The following CR1L variants were observed in gnomAD, a reference collection of about 807,000 sequenced individuals.
CR1L encodes the protein complement C3b/C4b receptor 1 like.
Under a neutral mutation model 62.3 loss-of-function variants are expected in CR1L, and 59 were observed. That is an observed-to-expected ratio of 0.95 (90% confidence interval 0.77 to 1.18). CR1L has a LOEUF of 1.18. Ranked by LOEUF, CR1L falls within the 50% of genes most tolerant of loss-of-function variation. The pLI is 0.00. For synonymous variants in CR1L, 279 were observed against 248.7 expected (o/e 1.12, Z -1.15); for missense variants, 700 against 702.8 (o/e 1.00, Z 0.04).
At chr1:207,654,590 T>C (rs79902302) in intron 1 of CR1L, among the ~76,000 whole-genome samples, 4,096 of 152,300 alleles carry the variant, frequency 0.027, 194 homozygotes, top group African/African-American at 0.093. Context: ...AGTATTCCTA[T>C]ACTCAATGAG....
intron 1 of CR1L, among the ~76,000 whole-genome samples, chr1:207,654,430 T>C (rs1299821822): frequency 6.6e-6 from 1 of 152,172 alleles, no homozygotes; most frequent in Non-Finnish European, 1.5e-5. Context: ...AAACAATATA[T>C]ACTGAGAGGT....
At chr1:207,696,756 C>G (rs1320412986) in intron 5 of CR1L, among the ~76,000 whole-genome samples, 3 of 152,148 alleles carry the variant, frequency 2.0e-5, no homozygotes, top group African/African-American at 7.2e-5. Flanking sequence ...TAGTTGAGAC[C>G]TAAATGTGTT....
intron 1 of CR1L, among the ~76,000 whole-genome samples, chr1:207,656,545 G>A (rs1663313861): frequency 6.6e-6 from 1 of 152,090 alleles, no homozygotes; most frequent in South Asian, 2.1e-4. Context: ...AGGTTTAATT[G>A]GCTCGTGATT....
At chr1:207,668,784 AG>A (rs773068388) in intron 1 of CR1L, among the ~76,000 whole-genome samples, 37 of 151,158 alleles carry the variant, frequency 2.4e-4, no homozygotes, top group Non-Finnish European at 4.4e-4. Context: ...CCACCCAGTC[AG>A]GGCCACCATC....
intron 4 of CR1L, among the ~76,000 whole-genome samples, chr1:207,685,237 G>A (rs946518469): frequency 7.2e-5 from 11 of 152,174 alleles, no homozygotes; most frequent in African/African-American, 1.2e-4. Context: ...TCTTCTTGGA[G>A]AAGGCTAGGG....
In CR1L at chr1:207,717,696, G is replaced by T; in HGVS notation, c.1642+5G>T. The T allele has an allele frequency of 6.2e-7, 1 of 1,613,868 alleles. No individual in the cohort carries two copies. The highest frequency in any genetic ancestry group is 1.3e-5 in the African/African-American group (1 of 75,050). Reference sequence around the variant, plus strand: ...GTGAACTTCCTGTTGGTGCTGGTCAGTATCCGCTTCCACATATCCTAAATG... The same window carrying T: ...GTGAACTTCCTGTTGGTGCTGGTCATTATCCGCTTCCACATATCCTAAATG... On this transcript the variant is annotated splice_donor_5th_base_variant and intron_variant, in intron 11 of 11. Coordinates refer to ENST00000508064, the MANE Select transcript of CR1L (RefSeq NM_175710.2).
chr1:207,709,091 G>A (rs554713166), intron 10 of CR1L: 2 of 239,320 alleles, frequency 8.4e-6, no homozygotes, highest in South Asian at 1.0e-4. Flanking sequence ...CAGAGCTTTT[G>A]TTCTTATTAT....
rs1367772759 is a variant in CR1L, at chr1:207,708,257, T to G, written c.1408T>G (p.Cys470Gly). Residue 470 changes from cysteine (C) to glycine (G), a missense_variant, in exon 10 of 12, where the codon TGT (cysteine) becomes GGT (glycine). Transcript: ENST00000508064. The part of the protein sequence containing the change: ...TAHWSMKPPI[C>G]QQIFCPNPPA... Reference sequence around the variant, plus strand: ...CCATTGGAGCATGAAGCCACCAATTTGTCAACGTGAGTTGAAATCTCTTTC... The same window carrying G: ...CCATTGGAGCATGAAGCCACCAATTGGTCAACGTGAGTTGAAATCTCTTTC... 2.5e-6 allele frequency: 4 copies of G among 1,611,202 alleles called. No homozygotes were observed. Among genetic ancestry groups the G allele is most frequent in the African/African-American group, 1.3e-5 (1 of 74,844 alleles).
intron 3 of CR1L, among the ~76,000 whole-genome samples, chr1:207,679,433 G>A (rs1663761937): frequency 6.6e-6 from 1 of 152,086 alleles, no homozygotes; most frequent in Admixed American, 6.5e-5. Context: ...AGGAACTGGG[G>A]ATTAAGACAT....
rs573119523 is a variant in CR1L at position 207,716,430 on chromosome 1, T to G, written c.1415-1034T>G. ...AAGAATTCAGAAACTCAGATAAAAG[T>G]ACATATTTGACATACTAAGACATTA... On this transcript the variant is annotated intron_variant, in intron 10 of 11. Transcript: ENST00000508064. Among the ~76,000 whole-genome samples, 9 of 152,260 alleles carry G rather than the reference T, an allele frequency of 5.9e-5. No individual in the cohort carries two copies. The East Asian group carries it at 1.7e-3, about 29-fold the overall frequency.
At chr1:207,645,355 C>G in intron 1 of CR1L, 25 bp downstream of exon 1, 1 of 1,611,656 alleles carries the variant, frequency 6.2e-7, no homozygotes, top group Non-Finnish European at 8.5e-7. Context: ...TGGATTCGCG[C>G]GTCCGCGGCG....
chr1:207,700,532 AAAG>A (rs1425382231), intron 8 of CR1L, among the ~76,000 whole-genome samples: 1 of 152,240 alleles, frequency 6.6e-6, no homozygotes, highest in East Asian at 1.9e-4. Context: ...GAAAGTAAAA[AAAG>A]AAAATAAATC....
chr1:207,696,904 T>C (rs1664108184), intron 5 of CR1L, among the ~76,000 whole-genome samples: 1 of 152,198 alleles, frequency 6.6e-6, no homozygotes, highest in Non-Finnish European at 1.5e-5. Context: ...ACCTTCTCAC[T>C]GGAGTGAAAT....
chr1:207,646,491 G>T (rs974397397), intron 1 of CR1L, among the ~76,000 whole-genome samples: 1 of 152,000 alleles, frequency 6.6e-6, no homozygotes, highest in African/African-American at 2.4e-5. Context: ...TTGGGTGATT[G>T]CTTAAGCCCA....
intron 1 of CR1L, among the ~76,000 whole-genome samples, chr1:207,665,048 T>A (rs1166336152): frequency 6.6e-6 from 1 of 152,200 alleles, no homozygotes; most frequent in Non-Finnish European, 1.5e-5. Context: ...TGAAACGTAG[T>A]GAGCATTTTT....
Position 207,645,245 on chromosome 1 carries a change from C to G in CR1L, c.12C>G (p.Pro4=), listed in dbSNP as rs1663098286. The part of the protein sequence containing the change: MAP[P]VRLERPFPSR... ...CTCCCGCGCCGCTCATGGCGCCTCCCGTCCGTCTCGAGCGTCCCTTTCCTT... is the reference window on the plus strand; with the variant it reads ...CTCCCGCGCCGCTCATGGCGCCTCCGGTCCGTCTCGAGCGTCCCTTTCCTT... Residue 4 remains proline, a synonymous_variant, in exon 1 of 12, where the codon CCC becomes CCG. Transcript: ENST00000508064. 6.2e-7 allele frequency: 1 copy of G among 1,613,164 alleles called. No homozygotes were observed. Among genetic ancestry groups the G allele is most frequent in the African/African-American group, 1.3e-5 (1 of 74,920 alleles).
At chr1:207,661,224 G>A (rs976664971) in intron 1 of CR1L, among the ~76,000 whole-genome samples, 31 of 152,184 alleles carry the variant, frequency 2.0e-4, no homozygotes, top group South Asian at 6.2e-4. Flanking sequence ...CTCATTGATC[G>A]TCTAATGTTG....
rs757697900 is a variant in CR1L, at chr1:207,715,289, C to T, written c.1415-2175C>T. 1.1e-5 allele frequency: 16 copies of T among 1,472,074 alleles called. No individual in the cohort carries two copies. The South Asian group carries it at 1.8e-4, about 17-fold the overall frequency. The allele number at this position is 1,472,074 out of a possible 1,614,324, so 91.2% of individuals were successfully genotyped here. On this transcript the variant is annotated intron_variant, in intron 10 of 11. Transcript: ENST00000508064. ...GAGATGGGAATTGCTCACACATTTG[C>T]TACCACTTTTTTTTTTCTTTAGGTT... is the stretch of plus-strand genomic sequence containing the variant.
intron 3 of CR1L, among the ~76,000 whole-genome samples, chr1:207,678,881 G>A (rs74184055): frequency 0.061 from 9,255 of 152,150 alleles, 617 homozygotes; most frequent in East Asian, 0.36. Flanking sequence ...AGGCCTTGGC[G>A]TGTGGCAGCA....
Sources: allele counts gnomAD v4.1 joint callset (sites outside exome capture counted in the v4.1 genomes callset), GRCh38; gene constraint gnomAD v4.1.1; transcripts MANE v1.5; gene names NCBI Gene and HGNC (gene_info 2026-07-23, HGNC 2026-07-21).